Variants in LRBA observed in about 807,000 individuals in gnomAD.
LRBA encodes lipopolysaccharide-responsive and beige-like anchor protein.
In LRBA, 176 loss-of-function variants were observed where a neutral mutation model predicts 330.0. The observed-to-expected ratio is 0.53, with a 90% confidence interval of 0.47 to 0.60. The LOEUF (loss-of-function observed/expected upper bound fraction) is 0.60, where lower values mean the gene tolerates loss of function less well. LRBA is among the 20% of genes least tolerant of loss of function. The pLI is 0.00. For synonymous variants in LRBA, 1,230 were observed against 1,193.0 expected, an observed-to-expected ratio of 1.03 and a Z score of -0.64; for missense variants, 3,259 against 3,444.8, an observed-to-expected ratio of 0.95 and a Z score of 1.35.
intron 37 of LRBA, among the ~76,000 whole-genome samples, chr4:150,633,061 G>C (rs1055560862): frequency 1.3e-5 from 2 of 152,084 alleles, no homozygotes; most frequent in Admixed American, 6.5e-5. Context: ...TTGAGTTCTA[G>C]AGCCATATAT....
intron 40 of LRBA, among the ~76,000 whole-genome samples, chr4:150,501,222 T>C (rs1380821527): frequency 6.6e-6 from 1 of 152,184 alleles, no homozygotes; most frequent in Non-Finnish European, 1.5e-5. Context: ...CTTATGACAC[T>C]ACATCACTAG....
At chr4:150,998,765 C>T (rs924084058) in intron 2 of LRBA, among the ~76,000 whole-genome samples, 5 of 152,154 alleles carry the variant, frequency 3.3e-5, no homozygotes, top group Non-Finnish European at 7.4e-5. Context: ...TCTAAGATAA[C>T]AATTGCTCAT....
intron 50 of LRBA, among the ~76,000 whole-genome samples, chr4:150,317,633 G>C (rs1371424155): frequency 6.6e-6 from 1 of 152,146 alleles, no homozygotes; most frequent in Non-Finnish European, 1.5e-5. Context: ...CTTACTTCCA[G>C]CAATACCAGT....
intron 2 of LRBA, among the ~76,000 whole-genome samples, chr4:151,012,571 C>T (rs1744971800): frequency 6.6e-6 from 1 of 152,176 alleles, no homozygotes; most frequent in African/African-American, 2.4e-5. Context: ...ATGAAAGCCC[C>T]ACACACATGC....
chr4:150,373,172 T>TGTGTGAGAGAGA (rs1283762385), intron 47 of LRBA, among the ~76,000 whole-genome samples: 2 of 97,458 alleles, frequency 2.1e-5, no homozygotes, highest in African/African-American at 8.8e-5. Flanking sequence ...TGTGTGTGTG[T>TGTGTGAGAGAGA]GAGAGAGAGA....
intron 2 of LRBA, among the ~76,000 whole-genome samples, chr4:151,009,029 A>ATATATATG (rs1491079578): frequency 4.2e-4 from 2 of 4,762 alleles, no homozygotes; most frequent in East Asian, 7.4e-3. Context: ...ATATATATAA[A>ATATATATG]ATGGTATTTT....
At chr4:150,467,115 C>T (rs1219333309) in intron 44 of LRBA, among the ~76,000 whole-genome samples, 8 of 151,964 alleles carry the variant, frequency 5.3e-5, no homozygotes, top group Non-Finnish European at 1.5e-5. Context: ...GAAGCTCCCC[C>T]GGTCAAAGAA....
chr4:150,623,915 TTACATATGTA>T (rs1382185923), intron 37 of LRBA, among the ~76,000 whole-genome samples: 4 of 152,132 alleles, frequency 2.6e-5, no homozygotes, highest in African/African-American at 9.7e-5. Context: ...TGCAGGTTAG[TTACATATGTA>T]TACATGTGCC....
At chr4:150,605,694 A>T (rs4260528) in intron 37 of LRBA, among the ~76,000 whole-genome samples, 10,229 of 152,076 alleles carry the variant, frequency 0.067, 585 homozygotes, top group East Asian at 0.18. Flanking sequence ...ATTCTGTATA[A>T]ATCTTGGTGA....
chr4:150,582,558 C>T (rs1439672545), intron 40 of LRBA: 6 of 162,388 alleles, frequency 3.7e-5, no homozygotes, highest in Non-Finnish European at 6.8e-5. Context: ...TAAGAATGAA[C>T]CACTGAATGT....
intron 36 of LRBA, among the ~76,000 whole-genome samples, chr4:150,692,935 A>ATTT: frequency 6.6e-6 from 1 of 152,352 alleles, no homozygotes; most frequent in African/African-American, 2.4e-5. Context: ...CACCATACAG[A>ATTT]AATGCACAAG....
rs572804127 is a variant in LRBA at position 151,007,052 on chromosome 4, T to C, written c.216+7375A>G. Among the ~76,000 whole-genome samples the C allele has an allele frequency of 2.0e-5, 3 of 152,266 alleles. No homozygotes were observed. The East Asian group carries it at 5.8e-4, about 29-fold the overall frequency. On this transcript the variant is annotated intron_variant, in intron 2 of 56. Coordinates refer to ENST00000651943, the MANE Select transcript of LRBA (RefSeq NM_001364905.1). Reference sequence around the variant, plus strand: ...TCCCTATTTTAAAACTCGCCACAAATCTTCAGTAAACAAAAGGCAATTTGG... The same window carrying C: ...TCCCTATTTTAAAACTCGCCACAAACCTTCAGTAAACAAAAGGCAATTTGG...
intron 47 of LRBA, among the ~76,000 whole-genome samples, chr4:150,396,480 TCACACACACACACA>T (rs10641158): frequency 1.4e-5 from 2 of 145,772 alleles, no homozygotes; most frequent in Non-Finnish European, 3.0e-5. Context: ...AAATCTCATC[TCACACACACACACA>T]CACACACACA....
chr4:150,266,905 GTGGC>G (rs1182089082), intron 56 of LRBA, among the ~76,000 whole-genome samples: 1 of 152,070 alleles, frequency 6.6e-6, no homozygotes, highest in Non-Finnish European at 1.5e-5. Flanking sequence ...GAGAGCTGAG[GTGGC>G]TTACACTAAT....
At chr4:150,644,357 T>G (rs1778942803) in intron 37 of LRBA, among the ~76,000 whole-genome samples, 1 of 151,912 alleles carries the variant, frequency 6.6e-6, no homozygotes, top group South Asian at 2.1e-4. Context: ...AAATTAAAAA[T>G]GAAAATAAGG....
chr4:150,848,899 C>A lies in LRBA; in HGVS notation c.4258G>T (p.Ala1420Ser). ...LISLVDVLIF[A>S]SSLGFTEIEA... ...ATTTCAGTAAAGCCAAGAGAACTTG[C>A]AAATATAAGCACATCCACAAGGCTA... Residue 1420 changes from alanine (A) to serine (S), a missense_variant, in exon 26 of 57, where the codon GCA (alanine) becomes TCA (serine). By Grantham distance (99) the Ala-to-Ser change is moderately conservative. Transcript: ENST00000651943. 1 of 1,613,132 alleles carries A rather than the reference C, an allele frequency of 6.2e-7. No homozygotes were observed. The highest frequency in any genetic ancestry group is 8.5e-7 in the Non-Finnish European group (1 of 1,179,454).
chr4:150,896,676 C>A (rs2127116274), intron 15 of LRBA, among the ~76,000 whole-genome samples: 1 of 152,002 alleles, frequency 6.6e-6, no homozygotes, highest in Middle Eastern at 3.4e-3. Flanking sequence ...TTTTCAACAC[C>A]TTATATAATA....
intron 2 of LRBA, among the ~76,000 whole-genome samples, chr4:150,995,954 G>C (rs2149637808): frequency 6.6e-6 from 1 of 152,038 alleles, no homozygotes; most frequent in Non-Finnish European, 1.5e-5. Flanking sequence ...GAAGTAGGGA[G>C]AGTCTTCAGT....
chr4:150,809,852 TA>T (rs796161150), intron 31 of LRBA, among the ~76,000 whole-genome samples: 34 of 7,892 alleles, frequency 4.3e-3, no homozygotes, highest in African/African-American at 0.01. Context: ...TGTCTTAAAA[TA>T]CGATACGATA....
Sources: gnomAD v4.1 joint callset for allele counts (sites outside exome capture counted in the v4.1 genomes callset) on GRCh38, gnomAD v4.1.1 for gene constraint, MANE v1.5 for transcripts, NCBI Gene and HGNC (gene_info 2026-07-23, HGNC 2026-07-21) for gene names.